CNTN1: variants seen among roughly 807,000 people sequenced by gnomAD.
CNTN1 encodes the protein contactin-1.
In CNTN1, 38 loss-of-function variants were observed where a neutral mutation model predicts 126.4. That is an observed-to-expected ratio of 0.30 (90% CI 0.23 to 0.39). CNTN1 has a LOEUF of 0.39. CNTN1 is among the 10% of genes least tolerant of loss of function. CNTN1 has a pLI of 1.00. For synonymous variants in CNTN1, 413 were observed against 422.6 expected (o/e 0.98, Z 0.28); for missense variants, 1,009 against 1,248.4 (o/e 0.81, Z 2.89).
At chr12:40,925,611 A>ATATATATATATATGTG (rs1945637525) in intron 6 of CNTN1, among the ~76,000 whole-genome samples, 1 of 143,946 alleles carries the variant, frequency 6.9e-6, no homozygotes, top group African/African-American at 2.5e-5. Flanking sequence ...ATATACGTGT[A>ATATATATATATATGTG]TATATATATA....
chr12:40,863,447 G>A (rs1019959104), intron 1 of CNTN1, among the ~76,000 whole-genome samples: 5 of 152,104 alleles, frequency 3.3e-5, no homozygotes, highest in African/African-American at 9.7e-5. Context: ...ACATAGTAAA[G>A]GTTTATTGGC....
At chr12:40,718,411 C>A (rs377473469) in intron 1 of CNTN1, among the ~76,000 whole-genome samples, 2 of 152,142 alleles carry the variant, frequency 1.3e-5, no homozygotes. Flanking sequence ...GATCTCCTGA[C>A]CTCATAATCC....
intron 15 of CNTN1, among the ~76,000 whole-genome samples, chr12:40,960,187 C>A (rs11179205): frequency 0.12 from 17,817 of 151,866 alleles, 1,096 homozygotes; most frequent in Non-Finnish European, 0.12. Context: ...AGTTGGTACA[C>A]AGTTATCTAC....
intron 1 of CNTN1, among the ~76,000 whole-genome samples, chr12:40,874,227 G>T (rs970500137): frequency 2.0e-5 from 3 of 151,828 alleles, no homozygotes; most frequent in Non-Finnish European, 2.9e-5. Context: ...TTATTGGGAG[G>T]ATAAAATGAA....
chr12:41,056,632 G>T (rs1397366729), intron 23 of CNTN1, among the ~76,000 whole-genome samples: 1 of 151,886 alleles, frequency 6.6e-6, no homozygotes. Context: ...AACTATTTGG[G>T]AGAGGACCTG....
chr12:40,707,182 T>C (rs1377648423), intron 1 of CNTN1, among the ~76,000 whole-genome samples: 1 of 150,868 alleles, frequency 6.6e-6, no homozygotes, highest in Middle Eastern at 3.2e-3. Flanking sequence ...TCTCTTACTC[T>C]GTTCATTGCT....
intron 1 of CNTN1, among the ~76,000 whole-genome samples, chr12:40,698,227 A>ATTT (rs1941499858): frequency 1.1e-5 from 1 of 87,622 alleles, no homozygotes; most frequent in Non-Finnish European, 2.3e-5. Context: ...CCAGCCACTT[A>ATTT]ATTTTTTTTT....
intron 23 of CNTN1, among the ~76,000 whole-genome samples, chr12:41,045,861 C>T (rs181037044): frequency 2.0e-3 from 297 of 152,212 alleles, no homozygotes; most frequent in Non-Finnish European, 3.3e-3. Flanking sequence ...CTATAACCTT[C>T]CATTTTAGGG....
Position 40,863,926 on chromosome 12 carries a change from T to TCCTTCCTTCCGCCCTCCCTCCCTC in CNTN1, c.-76-44428_-76-44427insTCCTTCCGCCCTCCCTCCCTCCCT, listed in dbSNP as rs760801289. ...TCTGGACCGACCTTCCTTCCTTCCT[T>TCCTTCCTTCCGCCCTCCCTCCCTC]CCTCCCTCCCTCCCTCCCTCCCTCC... On this transcript the variant is annotated intron_variant, in intron 1 of 23. Transcript: ENST00000551295. Among the ~76,000 whole-genome samples, 271 of 129,146 alleles carry TCCTTCCTTCCGCCCTCCCTCCCTC rather than the reference T, an allele frequency of 2.1e-3. 1 individual carries two copies. Among genetic ancestry groups the TCCTTCCTTCCGCCCTCCCTCCCTC allele is most frequent in the African/African-American group, 9.8e-3 (259 of 26,540 alleles). 84.7% of individuals were successfully genotyped at this position (129,146 alleles called of 152,430 possible). A position where few individuals can be genotyped will look rare whatever the true frequency, so the allele number is the denominator to read the frequency against.
chr12:40,711,482 C>G lies in CNTN1; in HGVS notation c.-77+18890C>G, dbSNP rs147172593. Among the ~76,000 whole-genome samples, 5 of 152,174 alleles carry G rather than the reference C, an allele frequency of 3.3e-5. No individual in the cohort carries two copies. The East Asian group carries it at 9.6e-4, about 29-fold the overall frequency. On this transcript the variant is annotated intron_variant, in intron 1 of 23. Coordinates refer to ENST00000551295, the MANE Select transcript of CNTN1 (RefSeq NM_001843.4). ...ATTCATTATCACTTCTTCCTTGTAT[C>G]CTAAACCTTACCCTCTCTATTGACT... is the stretch of plus-strand genomic sequence containing the variant.
At chr12:40,999,716 T>G (rs1948308645) in intron 17 of CNTN1, among the ~76,000 whole-genome samples, 1 of 147,502 alleles carries the variant, frequency 6.8e-6, no homozygotes, top group African/African-American at 2.5e-5. Flanking sequence ...TTTTTTTTTT[T>G]TTTTGAGACA....
intron 1 of CNTN1, among the ~76,000 whole-genome samples, chr12:40,892,890 C>A (rs894756021): frequency 1.4e-5 from 2 of 143,238 alleles, no homozygotes; most frequent in African/African-American, 5.4e-5. Flanking sequence ...TCAATCATTA[C>A]AAATTCTTCC....
At chr12:41,066,617 T>C (rs1375765798) in intron 23 of CNTN1, among the ~76,000 whole-genome samples, 2 of 152,210 alleles carry the variant, frequency 1.3e-5, no homozygotes, top group Admixed American at 6.5e-5. Flanking sequence ...CTAAATGTTA[T>C]GGCATCGTCA....
intron 23 of CNTN1, among the ~76,000 whole-genome samples, chr12:41,048,758 AAGAG>A (rs1266473648): frequency 1.3e-5 from 2 of 152,114 alleles, no homozygotes; most frequent in Non-Finnish European, 2.9e-5. Flanking sequence ...GAAGGAGAGA[AAGAG>A]AAGAAGGAGA....
chr12:41,018,168 C>T (rs1487826977), intron 19 of CNTN1, among the ~76,000 whole-genome samples: 3 of 151,824 alleles, frequency 2.0e-5, no homozygotes, highest in Non-Finnish European at 4.4e-5. Flanking sequence ...ACTAGAAAAA[C>T]AAATAGAGAT....
chr12:41,059,204 G>A (rs74848683), intron 23 of CNTN1, among the ~76,000 whole-genome samples: 1 of 151,592 alleles, frequency 6.6e-6, no homozygotes, highest in South Asian at 2.1e-4. Flanking sequence ...ACCAAATACC[G>A]ATCTTAATAC....
chr12:40,814,946 CT>C (rs1297594872), intron 1 of CNTN1, among the ~76,000 whole-genome samples: 1 of 151,958 alleles, frequency 6.6e-6, no homozygotes, highest in African/African-American at 2.4e-5. Flanking sequence ...GGTTGATTTT[CT>C]TTGAAGCAAT....
intron 1 of CNTN1, among the ~76,000 whole-genome samples, chr12:40,791,500 G>A (rs1295760562): frequency 6.6e-6 from 1 of 152,124 alleles, no homozygotes; most frequent in Non-Finnish European, 1.5e-5. Context: ...AAGGGATGTT[G>A]ATTCAGTTAT....
chr12:40,748,327 C>T (rs1184508178), intron 1 of CNTN1, among the ~76,000 whole-genome samples: 1 of 151,974 alleles, frequency 6.6e-6, no homozygotes, highest in South Asian at 2.1e-4. Context: ...GCAACAAACT[C>T]GTGAGGTAGG....
Sources: gnomAD v4.1 joint callset for allele counts (sites outside exome capture counted in the v4.1 genomes callset) on GRCh38, gnomAD v4.1.1 for gene constraint, MANE v1.5 for transcripts, NCBI Gene and HGNC (gene_info 2026-07-23, HGNC 2026-07-21) for gene names.